The following KANK4 variants were observed in gnomAD, a reference collection of about 807,000 sequenced individuals.
KANK4 encodes KN motif and ankyrin repeat domain-containing protein 4.
KANK4 carries 50 observed loss-of-function variants against 80.8 expected under a neutral mutation model. The observed-to-expected ratio is 0.62, with a 90% CI of 0.49 to 0.78. The LOEUF (loss-of-function observed/expected upper bound fraction) is 0.78. KANK4 is among the 30% of genes least tolerant of loss of function. The probability of loss-of-function intolerance (pLI) is 0.00; values close to 1 mark genes in which losing one functional copy is unlikely to be tolerated. For synonymous variants in KANK4, 465 were observed against 506.9 expected, an observed-to-expected ratio of 0.92 and a Z score of 1.11; for missense variants, 1,196 against 1,240.1, an observed-to-expected ratio of 0.96 and a Z score of 0.53.
intron 4 of KANK4, among the ~76,000 whole-genome samples, chr1:62,271,080 G>C (rs1672150520): frequency 1.3e-5 from 2 of 152,084 alleles, no homozygotes; most frequent in Non-Finnish European, 2.9e-5. Context: ...ACTTGGGTTT[G>C]GCTTGCAGGA....
intron 7 of KANK4, among the ~76,000 whole-genome samples, chr1:62,257,949 T>TGAGCTACCTAAAGACAA (rs1671790417): frequency 6.6e-6 from 1 of 152,176 alleles, no homozygotes; most frequent in African/African-American, 2.4e-5. Context: ...TACAAGACTG[T>TGAGCTACCTAAAGACAA]GAGCTACCTA....
At chr1:62,298,454 T>C (rs1415390219) in intron 1 of KANK4, among the ~76,000 whole-genome samples, 4 of 152,228 alleles carry the variant, frequency 2.6e-5, no homozygotes, top group Non-Finnish European at 5.9e-5. Context: ...TGGGGCCTCA[T>C]AGTTGGCATT....
rs551969501 is a variant in KANK4 at position 62,285,944 on chromosome 1, G to A, written c.-70-4310C>T. 9.2e-5 allele frequency among the ~76,000 whole-genome samples: 14 copies of A among 152,324 alleles called. No individual in the cohort carries two copies. The East Asian group carries it at 2.1e-3, about 23-fold the overall frequency. ...GCTGCTTCTAAACATTGAGAGGGCC[G>A]AAGCCGGGACACCAGAGGAGGTGAG... On this transcript the variant is annotated intron_variant, in intron 1 of 9. Coordinates refer to ENST00000371153, the MANE Select transcript of KANK4 (RefSeq NM_181712.5).
At chr1:62,247,915 C>T (rs2149119110) in intron 8 of KANK4, among the ~76,000 whole-genome samples, 1 of 152,226 alleles carries the variant, frequency 6.6e-6, no homozygotes, top group South Asian at 2.1e-4. Flanking sequence ...TAACACAGCA[C>T]TCACCACTTA....
At chr1:62,296,648 C>G (rs1644366953) in intron 1 of KANK4, among the ~76,000 whole-genome samples, 1 of 152,030 alleles carries the variant, frequency 6.6e-6, no homozygotes, top group African/African-American at 2.4e-5. Context: ...ATCTCCTGGG[C>G]TCAGGTGATC....
At chr1:62,269,630 AG>A (rs1158839617) in intron 4 of KANK4, among the ~76,000 whole-genome samples, 1 of 152,254 alleles carries the variant, frequency 6.6e-6, no homozygotes, top group Admixed American at 6.5e-5. Flanking sequence ...TTCATTCAAC[AG>A]GAATTTATTG....
intron 1 of KANK4, among the ~76,000 whole-genome samples, chr1:62,314,552 C>T (rs890729976): frequency 6.6e-6 from 1 of 152,070 alleles, no homozygotes; most frequent in African/African-American, 2.4e-5. Flanking sequence ...CTCTTTTATC[C>T]TTGTGTGGAG....
At chr1:62,306,718 A>T (rs968147788) in intron 1 of KANK4, among the ~76,000 whole-genome samples, 3 of 152,124 alleles carry the variant, frequency 2.0e-5, no homozygotes, top group African/African-American at 4.8e-5. Flanking sequence ...ATTTTTAATA[A>T]AAAAATTCCC....
intron 1 of KANK4, among the ~76,000 whole-genome samples, chr1:62,306,213 C>T (rs1448386856): frequency 6.6e-6 from 1 of 152,140 alleles, no homozygotes; most frequent in Admixed American, 6.5e-5. Context: ...TGGTTTCAAA[C>T]TGCTGGCCTC....
At chr1:62,245,127 C>T (rs1671436110) in intron 9 of KANK4, among the ~76,000 whole-genome samples, 1 of 152,228 alleles carries the variant, frequency 6.6e-6, no homozygotes, top group Admixed American at 6.5e-5. Context: ...CTTAGAGGGC[C>T]AGGGGCCTTT....
At chr1:62,272,389 T>C (rs1227956890) in intron 3 of KANK4, 1 of 152,292 alleles carries the variant, frequency 6.6e-6, no homozygotes, top group Non-Finnish European at 1.5e-5. Flanking sequence ...GATATCAATA[T>C]AATGCTCCTC....
intron 9 of KANK4, among the ~76,000 whole-genome samples, chr1:62,240,902 G>A (rs1671325945): frequency 6.6e-6 from 1 of 152,024 alleles, no homozygotes; most frequent in Admixed American, 6.6e-5. Flanking sequence ...TCAATCCCAT[G>A]TACAGAATTC....
chr1:62,300,402 C>T (rs1424843959), intron 1 of KANK4, among the ~76,000 whole-genome samples: 2 of 152,038 alleles, frequency 1.3e-5, no homozygotes, highest in African/African-American at 2.4e-5. Flanking sequence ...AGGAACTCAC[C>T]GTCCAAAATG....
intron 1 of KANK4, among the ~76,000 whole-genome samples, chr1:62,315,194 C>T (rs986970790): frequency 6.6e-6 from 1 of 152,168 alleles, no homozygotes; most frequent in African/African-American, 2.4e-5. Flanking sequence ...AATCACACAG[C>T]TGCTTGGCGG....
chr1:62,251,041 G>A (rs1671604178), intron 8 of KANK4, among the ~76,000 whole-genome samples: 1 of 152,158 alleles, frequency 6.6e-6, no homozygotes, highest in Non-Finnish European at 1.5e-5. Flanking sequence ...TTTTGCTCTA[G>A]ACTATCTTTT....
intron 6 of KANK4, among the ~76,000 whole-genome samples, chr1:62,263,723 G>A (rs1375244826): frequency 1.3e-5 from 2 of 152,206 alleles, no homozygotes; most frequent in African/African-American, 4.8e-5. Flanking sequence ...GGACACCTGC[G>A]TGTGTTTAAT....
Position 62,246,447 on chromosome 1 carries a change from G to T in KANK4, c.2883+1025C>A, listed in dbSNP as rs1169165377. ...TCCCCATCTAAGCTACTGCCTCAAA[G>T]CCCACATGCTGTTATTGCCATGACC... On this transcript the variant is annotated intron_variant, in intron 9 of 9. Coordinates refer to ENST00000371153, the MANE Select transcript of KANK4 (RefSeq NM_181712.5). Among the ~76,000 whole-genome samples, 3 of 152,294 alleles carry T rather than the reference G, an allele frequency of 2.0e-5. No homozygotes were observed. In the East Asian group the frequency reaches 5.8e-4, roughly 29 times the overall value.
At chr1:62,248,288 G>A (rs976744249) in intron 8 of KANK4, among the ~76,000 whole-genome samples, 4 of 152,158 alleles carry the variant, frequency 2.6e-5, no homozygotes, top group African/African-American at 4.8e-5. Flanking sequence ...GCAATGAGCC[G>A]GAATCAGAAA....
rs1176514665 is a variant in KANK4, at chr1:62,284,467, C to T, written c.-70-2833G>A. On this transcript the variant is annotated intron_variant, in intron 1 of 9. Transcript: ENST00000371153. ...GAGTAGCTGGGATTACGGTCGCGCG[C>T]GCTACCATGCCCAGCTAATTTTTGT... Among the ~76,000 whole-genome samples the T allele has an allele frequency of 3.9e-5, 6 of 152,144 alleles. No homozygotes were observed. In the East Asian group the frequency reaches 5.8e-4, roughly 15 times the overall value.
Sources: allele counts gnomAD v4.1 joint callset (sites outside exome capture counted in the v4.1 genomes callset), GRCh38; gene constraint gnomAD v4.1.1; transcripts MANE v1.5; gene names NCBI Gene and HGNC (gene_info 2026-07-23, HGNC 2026-07-21).